LINGO2: variants seen among roughly 807,000 people sequenced by gnomAD.
LINGO2 encodes the protein leucine rich repeat and Ig domain containing 2, also known as leucine-rich repeat and immunoglobulin-like domain-containing nogo receptor-interacting protein 2.
LINGO2 carries 14 observed loss-of-function variants against 30.6 expected under a neutral mutation model. That is an observed-to-expected ratio of 0.46 (90% CI 0.30 to 0.72). The LOEUF is 0.72. LINGO2 is among the 30% of genes least tolerant of loss of function. LINGO2 has a pLI of 0.07. For synonymous variants in LINGO2, 317 were observed against 288.5 expected, an observed-to-expected ratio of 1.10 and a Z score of -1.00; for missense variants, 729 against 751.7, an observed-to-expected ratio of 0.97 and a Z score of 0.35.
At chr9:29,203,046 G>A in the LINGO2 span, among the ~76,000 whole-genome samples, 2 of 152,106 alleles carry the variant, frequency 1.3e-5, no homozygotes, top group African/African-American at 4.8e-5. Context: ...CAGTACCTGT[G>A]AGAAGAATCT....
At chr9:28,406,169 T>TG (rs1171631989) in intron 2 of LINGO2, among the ~76,000 whole-genome samples, 1 of 152,140 alleles carries the variant, frequency 6.6e-6, no homozygotes, top group African/African-American at 2.4e-5. Context: ...CTGGGTGCGG[T>TG]GGCTCATGCC....
the LINGO2 span, among the ~76,000 whole-genome samples, chr9:28,898,885 T>C: frequency 6.6e-6 from 1 of 152,090 alleles, no homozygotes; most frequent in Non-Finnish European, 1.5e-5. Context: ...AGTTTACCTA[T>C]ATATAACAAA....
intron 2 of LINGO2, among the ~76,000 whole-genome samples, chr9:28,376,063 T>C (rs1196281356): frequency 1.3e-5 from 2 of 151,140 alleles, no homozygotes; most frequent in Non-Finnish European, 1.5e-5. Context: ...GGTGATACAC[T>C]AGGCATTTTG....
intron 3 of LINGO2, among the ~76,000 whole-genome samples, chr9:28,356,115 T>C (rs1296941938): frequency 6.6e-6 from 1 of 152,198 alleles, no homozygotes; most frequent in African/African-American, 2.4e-5. Context: ...ACTTCATCCA[T>C]GCAGTTGCTA....
chr9:28,031,952 A>C lies in LINGO2; in HGVS notation c.-86-19547T>G, dbSNP rs77574566. Among the ~76,000 whole-genome samples the C allele has an allele frequency of 1.5e-4, 22 of 150,208 alleles. 1 individual carries two copies. In the East Asian group the frequency reaches 4.3e-3, roughly 29 times the overall value. On this transcript the variant is annotated intron_variant, in intron 4 of 5. Coordinates refer to ENST00000379992, the Ensembl canonical transcript of LINGO2. The stretch of plus-strand genomic sequence containing the variant: ...ACAGCCAACTGTGTGCCAGGCAGGC[A>C]GTACCTATTAAAAGTTGTTTGGAGA...
At chr9:28,745,327 T>C in the LINGO2 span, among the ~76,000 whole-genome samples, 1 of 152,174 alleles carries the variant, frequency 6.6e-6, no homozygotes, top group African/African-American at 2.4e-5. Flanking sequence ...GCATGTGGCT[T>C]GAAGGTTGTT....
At chr9:28,091,247 G>T (rs1457624165) in intron 4 of LINGO2, among the ~76,000 whole-genome samples, 1 of 152,184 alleles carries the variant, frequency 6.6e-6, no homozygotes, top group Non-Finnish European at 1.5e-5. Flanking sequence ...AAAAGAGCCT[G>T]CATTGCCAAG....
At chr9:28,430,258 G>T (rs751667106) in intron 2 of LINGO2, among the ~76,000 whole-genome samples, 12 of 152,144 alleles carry the variant, frequency 7.9e-5, no homozygotes, top group Non-Finnish European at 1.5e-4. Flanking sequence ...CCTGGTCAAA[G>T]TGCCAGCCAT....
At chr9:28,402,232 G>C (rs1023344879) in intron 2 of LINGO2, among the ~76,000 whole-genome samples, 1 of 152,038 alleles carries the variant, frequency 6.6e-6, no homozygotes, top group Non-Finnish European at 1.5e-5. Flanking sequence ...ACTTAGGATA[G>C]GCATTATGAA....
At chr9:28,879,989 T>G in the LINGO2 span, among the ~76,000 whole-genome samples, 1 of 152,238 alleles carries the variant, frequency 6.6e-6, no homozygotes, top group Non-Finnish European at 1.5e-5. Context: ...AGAATGCCAT[T>G]GAACTTAAAT....
intron 1 of LINGO2, among the ~76,000 whole-genome samples, chr9:28,572,965 C>T (rs1823773423): frequency 6.6e-6 from 1 of 152,066 alleles, no homozygotes; most frequent in South Asian, 2.1e-4. Context: ...TGGCCATGAA[C>T]CAAGACAGAG....
the LINGO2 span, among the ~76,000 whole-genome samples, chr9:29,091,544 G>A: frequency 2.0e-5 from 3 of 151,968 alleles, no homozygotes; most frequent in Non-Finnish European, 4.4e-5. Context: ...AGCCTTTTAA[G>A]ATGTTATCCT....
At chr9:28,635,819 T>C (rs1209937602) in intron 1 of LINGO2, among the ~76,000 whole-genome samples, 4 of 152,114 alleles carry the variant, frequency 2.6e-5, no homozygotes, top group African/African-American at 9.7e-5. Context: ...GTTTTTTGTT[T>C]GTCTGTTTGT....
the LINGO2 span, among the ~76,000 whole-genome samples, chr9:28,714,143 G>A: frequency 3.6e-4 from 50 of 140,696 alleles, 1 homozygote; most frequent in South Asian, 0.011. Flanking sequence ...TGGGTGACAA[G>A]AGTGAAACTA....
At chr9:27,938,665 A>G in the LINGO2 span, 2 of 152,166 alleles carry the variant, frequency 1.3e-5, no homozygotes, top group Non-Finnish European at 2.9e-5. Flanking sequence ...TCTCTAAACC[A>G]CATGATTTAG....
the LINGO2 span, among the ~76,000 whole-genome samples, chr9:28,691,816 T>C: frequency 5.1e-4 from 77 of 152,302 alleles, no homozygotes; most frequent in East Asian, 0.013. Context: ...ATAGCTACAA[T>C]TGAATTAATT....
intron 4 of LINGO2, among the ~76,000 whole-genome samples, chr9:28,061,432 CAACTTTT>C (rs1825140073): frequency 6.6e-6 from 1 of 151,658 alleles, no homozygotes; most frequent in Admixed American, 6.6e-5. Flanking sequence ...TGGCTAGGAA[CAACTTTT>C]ACCTTTTTTG....
At chr9:28,864,688 A>G in the LINGO2 span, among the ~76,000 whole-genome samples, 2 of 152,138 alleles carry the variant, frequency 1.3e-5, no homozygotes, top group African/African-American at 4.8e-5. Flanking sequence ...CTGTCAGTGT[A>G]GGTCACTGCT....
At chr9:28,787,213 G>C in the LINGO2 span, among the ~76,000 whole-genome samples, 1 of 152,092 alleles carries the variant, frequency 6.6e-6, no homozygotes, top group Non-Finnish European at 1.5e-5. Context: ...AGTACTATTT[G>C]TTTTCAGAAA....
Sources: gnomAD v4.1 joint callset for allele counts (sites outside exome capture counted in the v4.1 genomes callset) on GRCh38, gnomAD v4.1.1 for gene constraint, MANE v1.5 for transcripts, NCBI Gene and HGNC (gene_info 2026-07-23, HGNC 2026-07-21) for gene names.